The following CRIM1 variants were observed in gnomAD, a reference collection of about 807,000 sequenced individuals.
The protein encoded by CRIM1 is cysteine rich transmembrane BMP regulator 1.
CRIM1 carries 32 observed loss-of-function variants against 116.4 expected under a neutral mutation model. The observed-to-expected ratio is 0.27, with a 90% CI of 0.21 to 0.37. The LOEUF is 0.37. Among genes scored for constraint, CRIM1 ranks in the 10% least tolerant of loss-of-function variants. The pLI is 1.00. For missense variants in CRIM1, 1,331 were observed against 1,354.8 expected (o/e 0.98, Z 0.28); for synonymous variants, 590 against 509.2 (o/e 1.16, Z -2.13).
At chr2:36,542,313 A>G (rs912772871) in intron 14 of CRIM1, among the ~76,000 whole-genome samples, 7 of 152,244 alleles carry the variant, frequency 4.6e-5, no homozygotes, top group South Asian at 2.1e-4. Context: ...TGGTAATACA[A>G]TTAATCACTG....
At position 36,377,997 on chromosome 2, in the gene CRIM1, G is replaced by A. The variant is rs147454382; in HGVS notation, c.332-18617G>A. Among the ~76,000 whole-genome samples the A allele has an allele frequency of 4.1e-3, 618 of 152,270 alleles. 3 individuals are homozygous for A. The highest frequency in any genetic ancestry group is 0.014 in the African/African-American group (568 of 41,564). On this transcript the variant is annotated intron_variant, in intron 1 of 16. Transcript: ENST00000280527. ...CCCAAGGTAATTTTGAAAGGACAAA[G>A]CCATCAGGTGATTTGTTTTCAATAA...
At chr2:36,537,085 G>A (rs1292018919) in intron 13 of CRIM1, among the ~76,000 whole-genome samples, 1 of 152,134 alleles carries the variant, frequency 6.6e-6, no homozygotes, top group African/African-American at 2.4e-5. Context: ...CTTTCTAGAT[G>A]ACAGTCTAAG....
intron 14 of CRIM1, among the ~76,000 whole-genome samples, chr2:36,539,199 C>A (rs564204919): frequency 6.6e-6 from 1 of 152,168 alleles, no homozygotes; most frequent in Non-Finnish European, 1.5e-5. Context: ...GGTCAGGGAG[C>A]ACCTTACCAA....
At chr2:36,489,964 C>T (rs1363587993) in intron 7 of CRIM1, among the ~76,000 whole-genome samples, 1 of 152,194 alleles carries the variant, frequency 6.6e-6, no homozygotes, top group East Asian at 1.9e-4. Context: ...AAAGGCGTCA[C>T]TGGCTGGTCA....
Position 36,479,516 on chromosome 2 carries a change from T to C in CRIM1, c.1194T>C (p.Asn398=), listed in dbSNP as rs940916186. 3 of 1,614,122 alleles carry C rather than the reference T, an allele frequency of 1.9e-6. No individual in the cohort carries two copies. The Admixed American group carries it at 5.0e-5, about 27-fold the overall frequency. Residue 398 remains asparagine (N), a synonymous_variant, in exon 7 of 17, where the codon AAT becomes AAC. Transcript: ENST00000280527. The part of the protein sequence containing the change: ...PVCEDPVYPF[N]NPAGCYANGL... ...ATTTAGATCCAGTGTATCCTTTTAA[T>C]AATCCCGCTGGCTGCTATGCCAATG...
chr2:36,405,300 G>A (rs1373285117), intron 2 of CRIM1, among the ~76,000 whole-genome samples: 1 of 152,082 alleles, frequency 6.6e-6, no homozygotes, highest in Non-Finnish European at 1.5e-5. Flanking sequence ...TCCTCTTAAT[G>A]TTCCTGCCAC....
At chr2:36,401,706 G>C (rs1185973784) in intron 2 of CRIM1, among the ~76,000 whole-genome samples, 1 of 152,150 alleles carries the variant, frequency 6.6e-6, no homozygotes, top group African/African-American at 2.4e-5. Flanking sequence ...TGGGTACATG[G>C]CTTTTAAAAA....
At chr2:36,421,353 A>C (rs1674050473) in intron 2 of CRIM1, among the ~76,000 whole-genome samples, 1 of 152,220 alleles carries the variant, frequency 6.6e-6, no homozygotes, top group Admixed American at 6.5e-5. Context: ...ACTGTTTAAA[A>C]TGCTTACTCA....
chr2:36,369,083 A>G (rs1669780068), intron 1 of CRIM1: 1 of 152,176 alleles, frequency 6.6e-6, no homozygotes, highest in East Asian at 1.9e-4. Context: ...GTGTATAAAT[A>G]GGTCTTTATT....
At chr2:36,359,589 G>A (rs1044305957) in intron 1 of CRIM1, among the ~76,000 whole-genome samples, 1 of 152,092 alleles carries the variant, frequency 6.6e-6, no homozygotes, top group African/African-American at 2.4e-5. Context: ...CCTATCCATA[G>A]AAAGAATGCT....
At chr2:36,492,588 GATTT>G (rs1281061518) in intron 7 of CRIM1, among the ~76,000 whole-genome samples, 1 of 151,988 alleles carries the variant, frequency 6.6e-6, no homozygotes, top group Non-Finnish European at 1.5e-5. Flanking sequence ...ACAATTTAGT[GATTT>G]ATTTGAAAGG....
At chr2:36,397,725 T>C (rs2148381478) in intron 2 of CRIM1, among the ~76,000 whole-genome samples, 1 of 152,284 alleles carries the variant, frequency 6.6e-6, no homozygotes. Flanking sequence ...CCAAGTTATA[T>C]TAAATGGTAA....
chr2:36,506,177 TCTCTCACACA>T (rs753278549), intron 8 of CRIM1, among the ~76,000 whole-genome samples: 101 of 86,302 alleles, frequency 1.2e-3, no homozygotes, highest in African/African-American at 3.0e-3. Context: ...TCTCTCTCTC[TCTCTCACACA>T]CACACACACA....
intron 2 of CRIM1, among the ~76,000 whole-genome samples, chr2:36,400,463 A>G (rs538834100): frequency 6.6e-6 from 1 of 152,300 alleles, no homozygotes; most frequent in East Asian, 1.9e-4. Context: ...GAGGTTCTGC[A>G]GGTAAATGCC....
chr2:36,463,178 T>C (rs752104330), intron 4 of CRIM1, among the ~76,000 whole-genome samples: 3 of 152,208 alleles, frequency 2.0e-5, no homozygotes, highest in Non-Finnish European at 2.9e-5. Context: ...CCAGTGGCTT[T>C]AATAGTCCTT....
chr2:36,448,200 A>G (rs546164628), intron 4 of CRIM1, among the ~76,000 whole-genome samples: 1 of 152,382 alleles, frequency 6.6e-6, no homozygotes, highest in East Asian at 1.9e-4. Flanking sequence ...TTTTTAAAAC[A>G]AAACAAAGCT....
intron 7 of CRIM1, among the ~76,000 whole-genome samples, chr2:36,489,788 A>G (rs527769275): frequency 6.6e-6 from 1 of 152,332 alleles, no homozygotes; most frequent in South Asian, 2.1e-4. Flanking sequence ...AAGATCTAGC[A>G]AGGCCCCCAT....
In CRIM1 at chr2:36,521,958, T is replaced by A. The variant is rs1046068434; in HGVS notation, c.2207-134T>A. On this transcript the variant is annotated intron_variant, in intron 12 of 16. Coordinates refer to ENST00000280527, the MANE Select transcript of CRIM1 (RefSeq NM_016441.3). ...AAGACCCTTCCCGAATCATACTTTC[T>A]GATTTGTTACTGCGTCATGTATTTA... 1.6e-5 allele frequency: 11 copies of A among 680,934 alleles called. No individual in the cohort carries two copies. In the African/African-American group the frequency reaches 2.0e-4, roughly 12 times the overall value. The allele number at this position is 680,934 out of a possible 1,614,324, so 42.2% of individuals were successfully genotyped here. A position where few individuals can be genotyped will look rare whatever the true frequency, so the allele number is the denominator to read the frequency against.
At chr2:36,423,977 G>A (rs573458656) in intron 2 of CRIM1, among the ~76,000 whole-genome samples, 32 of 152,272 alleles carry the variant, frequency 2.1e-4, no homozygotes, top group African/African-American at 7.2e-4. Context: ...TACGTAGGTA[G>A]GTGGATAGAA....
Sources: gnomAD v4.1 joint callset for allele counts (sites outside exome capture counted in the v4.1 genomes callset) on GRCh38, gnomAD v4.1.1 for gene constraint, MANE v1.5 for transcripts, NCBI Gene and HGNC (gene_info 2026-07-23, HGNC 2026-07-21) for gene names.